The following THSD4 variants were observed in gnomAD, a reference collection of about 807,000 sequenced individuals.
The protein encoded by THSD4 is thrombospondin type-1 domain-containing protein 4.
A neutral mutation model predicts 119.0 loss-of-function variants in THSD4; 69 were observed. That is an observed-to-expected ratio of 0.58 (90% CI 0.48 to 0.71). THSD4 has a LOEUF of 0.71. THSD4 is among the 30% of genes least tolerant of loss of function. The pLI is 0.00. For missense variants in THSD4, 1,393 were observed against 1,391.1 expected (o/e 1.00, Z -0.02); for synonymous variants, 524 against 540.4 (o/e 0.97, Z 0.42).
intron 4 of THSD4, among the ~76,000 whole-genome samples, chr15:71,231,790 T>A (rs2044063866): frequency 6.6e-6 from 1 of 152,184 alleles, no homozygotes; most frequent in Non-Finnish European, 1.5e-5. Flanking sequence ...TTAATTTTTA[T>A]TTCCCTAAGT....
At chr15:71,216,767 C>A (rs1175490415) in intron 4 of THSD4, among the ~76,000 whole-genome samples, 1 of 152,220 alleles carries the variant, frequency 6.6e-6, no homozygotes, top group Non-Finnish European at 1.5e-5. Flanking sequence ...CTCTTTTGAT[C>A]CCAGCCACAA....
At chr15:71,292,594 C>T (rs1224375841) in intron 6 of THSD4, among the ~76,000 whole-genome samples, 1 of 151,720 alleles carries the variant, frequency 6.6e-6, no homozygotes, top group African/African-American at 2.4e-5. Context: ...TGATTATTTC[C>T]TTCACATAGC....
intron 7 of THSD4, among the ~76,000 whole-genome samples, chr15:71,535,267 A>G (rs566226086): frequency 2.5e-4 from 38 of 152,292 alleles, no homozygotes; most frequent in African/African-American, 6.7e-4. Context: ...TTCACTTAAT[A>G]TATCTTTTCA....
chr15:71,417,542 A>G (rs2046773956), intron 7 of THSD4, among the ~76,000 whole-genome samples: 1 of 106,942 alleles, frequency 9.4e-6, no homozygotes, highest in South Asian at 3.0e-4. Context: ...AAATGAGTTC[A>G]CTGTAGATGT....
At chr15:71,194,475 G>A (rs187138631) in intron 3 of THSD4, among the ~76,000 whole-genome samples, 1 of 152,292 alleles carries the variant, frequency 6.6e-6, no homozygotes, top group South Asian at 2.1e-4. Context: ...TCGGGGCATG[G>A]ATTTGGCCCC....
At chr15:71,098,957 T>C (rs975126065) in intron 1 of THSD4, among the ~76,000 whole-genome samples, 7 of 152,214 alleles carry the variant, frequency 4.6e-5, no homozygotes, top group African/African-American at 9.6e-5. Flanking sequence ...CTTGCTTGAA[T>C]ACTTGTATGC....
At chr15:71,543,045 CCT>C (rs34446713) in intron 7 of THSD4, among the ~76,000 whole-genome samples, 61,663 of 151,728 alleles carry the variant, frequency 0.41, 13,318 homozygotes, top group Non-Finnish European at 0.49. Context: ...ATTGTGGTCT[CCT>C]GGATTGGGTC....
intron 6 of THSD4, among the ~76,000 whole-genome samples, chr15:71,263,349 G>A (rs1010779138): frequency 4.0e-4 from 15 of 37,690 alleles, no homozygotes; most frequent in African/African-American, 1.4e-3. Context: ...ATATATATAC[G>A]ACATTTTCTT....
At chr15:71,514,310 C>T (rs1250335247) in intron 7 of THSD4, among the ~76,000 whole-genome samples, 1 of 152,172 alleles carries the variant, frequency 6.6e-6, no homozygotes, top group African/African-American at 2.4e-5. Flanking sequence ...GCCCTTCCAT[C>T]GTGGCCACCT....
At chr15:71,256,772 G>C (rs889960713) in intron 6 of THSD4, 57 bp downstream of exon 6, 9 of 1,500,686 alleles carry the variant, frequency 6.0e-6, no homozygotes, top group Non-Finnish European at 8.3e-6. Context: ...TTCCATTCTT[G>C]TTGACTTCTG....
intron 6 of THSD4, among the ~76,000 whole-genome samples, chr15:71,294,836 A>G (rs972670476): frequency 7.9e-5 from 12 of 151,990 alleles, no homozygotes; most frequent in African/African-American, 2.9e-4. Flanking sequence ...CACCACGCCC[A>G]ATCCAGTATT....
At chr15:71,643,855 G>C (rs150886160) in intron 7 of THSD4, among the ~76,000 whole-genome samples, 19 of 152,278 alleles carry the variant, frequency 1.2e-4, no homozygotes, top group Non-Finnish European at 2.1e-4. Flanking sequence ...GGAAATTACA[G>C]ACAGTCTCTT....
chr15:71,253,895 A>G (rs930940110), intron 5 of THSD4, among the ~76,000 whole-genome samples: 13 of 152,176 alleles, frequency 8.5e-5, no homozygotes, highest in African/African-American at 2.9e-4. Context: ...CACTTAGTGG[A>G]TTGTGGACTC....
At chr15:71,640,719 C>A (rs16955926) in intron 7 of THSD4, among the ~76,000 whole-genome samples, 14,419 of 152,068 alleles carry the variant, frequency 0.095, 776 homozygotes, top group East Asian at 0.2. Context: ...CTGATTTTGC[C>A]ATGAAGCGGT....
intron 6 of THSD4, among the ~76,000 whole-genome samples, chr15:71,346,863 A>ATTTTTTTTTTTTTTT (rs1596355013): frequency 1.0e-5 from 1 of 95,248 alleles, no homozygotes; most frequent in African/African-American, 3.8e-5. Flanking sequence ...TTTCATTTTC[A>ATTTTTTTTTTTTTTT]TTTTCTTTTT....
At position 71,442,684 on chromosome 15, in the gene THSD4, A is replaced by G. The variant is rs1432100499; in HGVS notation, c.1152+30861A>G. Among the ~76,000 whole-genome samples the G allele has an allele frequency of 2.7e-3, 297 of 111,160 alleles. 27 individuals carry two copies. The highest frequency in any genetic ancestry group is 0.013 in the Middle Eastern group (3 of 236). The allele number at this position is 111,160 out of a possible 152,430, so 72.9% of individuals were successfully genotyped here. A position where few individuals can be genotyped will look rare whatever the true frequency, so the allele number is the denominator to read the frequency against. The stretch of plus-strand genomic sequence containing the variant: ...TGTATATATATATATATATATATAT[A>G]TATATATATATATATATATGAAGGG... On this transcript the variant is annotated intron_variant, in intron 7 of 17. Coordinates refer to ENST00000261862, the MANE Select transcript of THSD4 (RefSeq NM_024817.3).
At chr15:71,372,430 A>G (rs1333837717) in intron 6 of THSD4, among the ~76,000 whole-genome samples, 1 of 152,068 alleles carries the variant, frequency 6.6e-6, no homozygotes, top group African/African-American at 2.4e-5. Flanking sequence ...TTGGTCTTTG[A>G]TGATGGTGAC....
intron 6 of THSD4, among the ~76,000 whole-genome samples, chr15:71,301,596 T>G (rs35939630): frequency 0.57 from 87,414 of 152,046 alleles, 25,872 homozygotes; most frequent in East Asian, 0.73. Context: ...CTCTGCCTTT[T>G]CCAAGATTCT....
At chr15:71,609,100 G>T (rs564301724) in intron 7 of THSD4, among the ~76,000 whole-genome samples, 1 of 152,276 alleles carries the variant, frequency 6.6e-6, no homozygotes, top group South Asian at 2.1e-4. Context: ...TTAACTACCA[G>T]CTGACGCCAG....
Sources: gnomAD v4.1 joint callset for allele counts (sites outside exome capture counted in the v4.1 genomes callset) on GRCh38, gnomAD v4.1.1 for gene constraint, MANE v1.5 for transcripts, NCBI Gene and HGNC (gene_info 2026-07-23, HGNC 2026-07-21) for gene names.